SMIM20: variants seen among roughly 807,000 people sequenced by gnomAD.
SMIM20 encodes mitochondrial translation regulation assembly intermediate of cytochrome c oxidase protein of 7 kDa.
Under a neutral mutation model 8.7 loss-of-function variants are expected in SMIM20, and 3 were observed. The ratio of observed to expected loss-of-function variants is 0.34; its 90% confidence interval spans 0.16 to 0.89. The LOEUF (loss-of-function observed/expected upper bound fraction) is 0.89. Among genes scored for constraint, SMIM20 ranks in the 40% least tolerant of loss-of-function variants. SMIM20 has a pLI of 0.49. For missense variants in SMIM20, 85 were observed against 84.8 expected (o/e 1.00, Z -0.01); for synonymous variants, 44 against 33.6 (o/e 1.31, Z -1.07).
intron 1 of SMIM20, among the ~76,000 whole-genome samples, chr4:25,923,156 T>A (rs1198740540): frequency 1.3e-5 from 2 of 152,186 alleles, no homozygotes; most frequent in Non-Finnish European, 2.9e-5. Context: ...CTGGGTACAG[T>A]TCTGCTGTAC....
chr4:25,929,115 A>G, intron 2 of SMIM20, 39 bp from the exon 3 acceptor site: 2 of 1,550,486 alleles, frequency 1.3e-6, no homozygotes, highest in Non-Finnish European at 1.7e-6. Context: ...AAGGACATTT[A>G]AAAATGAATC....
In SMIM20 at chr4:25,929,255, T is replaced by C. The variant is rs1215673621; in HGVS notation, c.*64T>C. 1 of 1,514,476 alleles carries C rather than the reference T, an allele frequency of 6.6e-7. No individual in the cohort carries two copies. Among genetic ancestry groups the C allele is most frequent in the Non-Finnish European group, 9.0e-7 (1 of 1,113,748 alleles). The allele number at this position is 1,514,476 out of a possible 1,614,324, so 93.8% of individuals were successfully genotyped here. On this transcript the variant is annotated 3_prime_UTR_variant, in exon 3 of 3. Coordinates refer to ENST00000506197, the MANE Select transcript of SMIM20 (RefSeq NM_001145432.3). ...TTCATGCTTTCGATTCTGCATGGGG[T>C]ACAGCCAGTCACCTCACCAGAGAAT...
intron 1 of SMIM20, among the ~76,000 whole-genome samples, chr4:25,916,673 A>G (rs1265917484): frequency 6.6e-6 from 1 of 152,082 alleles, no homozygotes; most frequent in Non-Finnish European, 1.5e-5. Context: ...CTTGTGCCTC[A>G]GCCTCCCAAG....
intron 1 of SMIM20, among the ~76,000 whole-genome samples, chr4:25,918,105 G>A (rs1051137071): frequency 3.3e-5 from 5 of 151,966 alleles, no homozygotes; most frequent in African/African-American, 1.2e-4. Context: ...ACCACGCCCG[G>A]CTAATTTTTT....
At chr4:25,915,937 C>G (rs1426880184) in intron 1 of SMIM20, among the ~76,000 whole-genome samples, 1 of 149,088 alleles carries the variant, frequency 6.7e-6, no homozygotes, top group Non-Finnish European at 1.5e-5. Context: ...GCAGTGCATA[C>G]AAGACAGACC....
intron 1 of SMIM20, among the ~76,000 whole-genome samples, chr4:25,927,607 A>C (rs1711538622): frequency 6.6e-6 from 1 of 152,230 alleles, no homozygotes; most frequent in Non-Finnish European, 1.5e-5. Flanking sequence ...TTAAAATAAT[A>C]ACTCTTTGTT....
intron 1 of SMIM20, among the ~76,000 whole-genome samples, chr4:25,925,878 T>G (rs954900968): frequency 6.6e-6 from 1 of 152,234 alleles, no homozygotes; most frequent in Non-Finnish European, 1.5e-5. Context: ...CTGCATGTAT[T>G]ACTAGTTTTA....
At chr4:25,919,271 G>A (rs12499036) in intron 1 of SMIM20, among the ~76,000 whole-genome samples, 8,731 of 151,932 alleles carry the variant, frequency 0.057, 311 homozygotes, top group Middle Eastern at 0.15. Flanking sequence ...TTTAACTATT[G>A]GATTGGATTA....
chr4:25,923,828 C>G (rs971056526), intron 1 of SMIM20, among the ~76,000 whole-genome samples: 1 of 152,222 alleles, frequency 6.6e-6, no homozygotes, highest in Non-Finnish European at 1.5e-5. Context: ...ACCACATAAT[C>G]GAATGAAATG....
chr4:25,929,020 C>A (rs1711582754), intron 2 of SMIM20, 134 bp from the exon 3 acceptor site: 1 of 1,050,994 alleles, frequency 9.5e-7, no homozygotes. Flanking sequence ...GTTCCGGCAG[C>A]CTGCTCACAC....
intron 1 of SMIM20, among the ~76,000 whole-genome samples, chr4:25,920,447 TAA>T (rs1206449900): frequency 2.0e-5 from 3 of 152,146 alleles, no homozygotes; most frequent in African/African-American, 7.2e-5. Flanking sequence ...TGAAGATATA[TAA>T]AGAGAAAATA....
Position 25,914,323 on chromosome 4 carries a change from A to C in SMIM20, c.10A>C (p.Asn4His). ...CCCGGGGCCTGACGCCATGTCCCGG[A>C]ACCTGCGCACCGCGCTCATTTTCGG... is the stretch of plus-strand genomic sequence containing the variant. MSR[N>H]LRTALIFGGF... Residue 4 changes from asparagine (N) to histidine (H), a missense_variant, in exon 1 of 3, where the codon AAC (asparagine) becomes CAC (histidine). Transcript: ENST00000506197. The C allele has an allele frequency of 6.4e-7, 1 of 1,550,446 alleles. No individual in the cohort carries two copies. Among genetic ancestry groups the C allele is most frequent in the South Asian group, 1.2e-5 (1 of 83,950 alleles).
intron 1 of SMIM20, among the ~76,000 whole-genome samples, chr4:25,922,870 G>A (rs1250267056): frequency 2.0e-5 from 3 of 152,214 alleles, no homozygotes; most frequent in African/African-American, 7.2e-5. Context: ...GCTGGAACAA[G>A]CATACAGGCA....
chr4:25,922,442 TTC>T (rs1161902428), intron 1 of SMIM20, among the ~76,000 whole-genome samples: 3 of 152,184 alleles, frequency 2.0e-5, no homozygotes, highest in Non-Finnish European at 2.9e-5. Context: ...ATGGCGTCTA[TTC>T]TCTTTGTGAC....
intron 2 of SMIM20, 89 bp downstream of exon 2, chr4:25,928,458 G>A (rs961301717): frequency 7.8e-7 from 1 of 1,287,238 alleles, no homozygotes; most frequent in Non-Finnish European, 1.0e-6. Context: ...CGTGGAGAGT[G>A]GGAAAATGCC....
intron 1 of SMIM20, among the ~76,000 whole-genome samples, chr4:25,916,914 AG>A (rs1207040816): frequency 1.3e-5 from 2 of 152,344 alleles, no homozygotes; most frequent in East Asian, 3.9e-4. Context: ...TCTTTTAAAC[AG>A]GTAAATATTG....
At chr4:25,915,132 T>TA in intron 1 of SMIM20, among the ~76,000 whole-genome samples, 1 of 152,300 alleles carries the variant, frequency 6.6e-6, no homozygotes, top group East Asian at 1.9e-4. Flanking sequence ...TTCCTCAAAT[T>TA]GTTTTTCCGA....
chr4:25,918,696 A>G (rs1003507370), intron 1 of SMIM20, among the ~76,000 whole-genome samples: 5 of 151,144 alleles, frequency 3.3e-5, no homozygotes, highest in African/African-American at 4.9e-5. Flanking sequence ...ATTTTTTACT[A>G]GAGACGGGGT....
intron 1 of SMIM20, among the ~76,000 whole-genome samples, chr4:25,922,205 G>A (rs563935358): frequency 1.1e-4 from 16 of 152,280 alleles, no homozygotes; most frequent in African/African-American, 3.9e-4. Flanking sequence ...TTTTCTTTTA[G>A]TTTTGGCTGG....
Sources: allele counts gnomAD v4.1 joint callset (sites outside exome capture counted in the v4.1 genomes callset), GRCh38; gene constraint gnomAD v4.1.1; transcripts MANE v1.5; gene names NCBI Gene and HGNC (gene_info 2026-07-23, HGNC 2026-07-21).